Variants in MLC1 observed in about 807,000 individuals in gnomAD.
The protein encoded by MLC1 is modulator of VRAC current 1.
In MLC1, 32 loss-of-function variants were observed where a neutral mutation model predicts 44.7. The ratio of observed to expected loss-of-function variants is 0.72; its 90% CI spans 0.54 to 0.96. The LOEUF is 0.96. Among genes scored for constraint, MLC1 ranks in the 40% least tolerant of loss-of-function variants. The pLI, the probability that MLC1 is intolerant of heterozygous loss-of-function variation, is 0.00. For synonymous variants in MLC1, 190 were observed against 213.0 expected (o/e 0.89, Z 0.94); for missense variants, 459 against 492.2 (o/e 0.93, Z 0.64).
chr22:50,070,606 G>T (rs759659582), intron 8 of MLC1, 23 bp from the exon 9 acceptor site: 3 of 1,551,376 alleles, frequency 1.9e-6, no homozygotes, highest in Non-Finnish European at 8.7e-7. Flanking sequence ...AAAAAGGAAA[G>T]ATTTTAGAGG....
At chr22:50,068,719 CT>C (rs71318863) in intron 9 of MLC1, among the ~76,000 whole-genome samples, 164 bp from the exon 10 acceptor site, 12 of 109,774 alleles carry the variant, frequency 1.1e-4, no homozygotes, top group Non-Finnish European at 1.7e-4. Flanking sequence ...TTTCTTTTTT[CT>C]TTTTCTTTTT....
chr22:50,068,668 C>A, intron 9 of MLC1, 113 bp from the exon 10 acceptor site: 1 of 1,236,852 alleles, frequency 8.1e-7, no homozygotes, highest in Non-Finnish European at 1.2e-6. Context: ...GGCATAGTCC[C>A]AAGCTGGTTC....
At position 50,084,975 on chromosome 22, in the gene MLC1, A is replaced by T. The variant is rs141840641; in HGVS notation, c.-59-14T>A. The T allele has an allele frequency of 2.2e-4, 346 of 1,586,924 alleles. 2 individuals are homozygous for T. In the African/African-American group the frequency reaches 4.3e-3, roughly 20 times the overall value. On this transcript the variant is annotated splice_polypyrimidine_tract_variant and intron_variant, in intron 1 of 11. Coordinates refer to ENST00000311597, the MANE Select transcript of MLC1 (RefSeq NM_015166.4). Reference sequence around the variant, plus strand: ...CCAGTTCTTTATCTGGAATAAAATTATCATCGGCTTTGGCCACTCTGAGGA... The same window carrying T: ...CCAGTTCTTTATCTGGAATAAAATTTTCATCGGCTTTGGCCACTCTGAGGA...
Position 50,063,705 on chromosome 22 carries a change from C to G in MLC1, c.1059+329G>C, listed in dbSNP as rs1368571281. ...TGAAACCCACAGGCCTCTCACCTCC[C>G]TGGCTGAGCACCCCTGTGGGCCACT... is the stretch of plus-strand genomic sequence containing the variant. On this transcript the variant is annotated intron_variant, in intron 11 of 11. Coordinates refer to ENST00000311597, the MANE Select transcript of MLC1 (RefSeq NM_015166.4). Among the ~76,000 whole-genome samples the G allele has an allele frequency of 3.4e-5, 5 of 147,172 alleles. 1 individual carries two copies. Among genetic ancestry groups the G allele is most frequent in the African/African-American group, 1.0e-4 (4 of 39,972 alleles).
At chr22:50,066,052 A>G (rs1419396477) in intron 10 of MLC1, among the ~76,000 whole-genome samples, 1 of 151,258 alleles carries the variant, frequency 6.6e-6, no homozygotes, top group Non-Finnish European at 1.5e-5. Flanking sequence ...AAAACAAGCA[A>G]GGGGCTGGGC....
intron 8 of MLC1, 126 bp downstream of exon 8, chr22:50,074,090 G>C (rs1477972821): frequency 2.7e-6 from 2 of 753,628 alleles, no homozygotes; most frequent in Non-Finnish European, 4.7e-6. Context: ...GAAGTTGGGG[G>C]CCAGCGAGGA....
intron 10 of MLC1, among the ~76,000 whole-genome samples, chr22:50,067,243 T>C (rs1601985251): frequency 6.6e-6 from 1 of 152,172 alleles, no homozygotes; most frequent in African/African-American, 2.4e-5. Context: ...CCAGCACCTG[T>C]GGGAGGCCGA....
intron 10 of MLC1, among the ~76,000 whole-genome samples, chr22:50,068,061 C>G (rs954796665): frequency 6.6e-6 from 1 of 152,182 alleles, no homozygotes; most frequent in African/African-American, 2.4e-5. Context: ...ACTGGGTCAG[C>G]TCAAAGTAAC....
At chr22:50,070,063 A>G (rs1486001534) in intron 9 of MLC1, among the ~76,000 whole-genome samples, 2 of 151,860 alleles carry the variant, frequency 1.3e-5, no homozygotes, top group East Asian at 3.9e-4. Context: ...TTAGCCGGGC[A>G]TGGTGGCAGG....
At chr22:50,068,099 C>G (rs2061757027) in intron 10 of MLC1, among the ~76,000 whole-genome samples, 1 of 152,242 alleles carries the variant, frequency 6.6e-6, no homozygotes, top group African/African-American at 2.4e-5. Context: ...TTAAATTCAC[C>G]TGTTAAACTC....
At chr22:50,073,337 C>T (rs1024529375) in intron 8 of MLC1, among the ~76,000 whole-genome samples, 3 of 152,224 alleles carry the variant, frequency 2.0e-5, no homozygotes, top group Admixed American at 6.5e-5. Context: ...GGCCACTACG[C>T]GGCAAGGTGC....
intron 9 of MLC1, among the ~76,000 whole-genome samples, chr22:50,069,576 G>A (rs2061799993): frequency 6.6e-6 from 1 of 151,940 alleles, no homozygotes; most frequent in African/African-American, 2.4e-5. Flanking sequence ...AACCCGGGAG[G>A]CAGAGGTTAC....
chr22:50,081,059 G>GAAAGAAAGAAAGAAAGAAAGAAA (rs1484447304), intron 3 of MLC1, among the ~76,000 whole-genome samples: 28 of 19,152 alleles, frequency 1.5e-3, no homozygotes, highest in South Asian at 4.0e-3. Flanking sequence ...GAAAGAAAGA[G>GAAAGAAAGAAAGAAAGAAAGAAA]GAGGTCTGGT....
At chr22:50,072,945 T>C (rs7285511) in intron 8 of MLC1, 20,955 of 152,500 alleles carry the variant, frequency 0.14, 1,619 homozygotes, top group Admixed American at 0.21. Context: ...CATTGCTCTG[T>C]GCCTACTCGC....
intron 4 of MLC1, 113 bp downstream of exon 4, chr22:50,080,231 T>G (rs562993773): frequency 5.1e-6 from 7 of 1,385,452 alleles, no homozygotes; most frequent in African/African-American, 1.4e-5. Context: ...CGGGGGCCCC[T>G]CTCGGTGCCA....
At chr22:50,062,469 T>A (rs1002999508) in intron 11 of MLC1, among the ~76,000 whole-genome samples, 3 of 152,226 alleles carry the variant, frequency 2.0e-5, no homozygotes, top group Non-Finnish European at 4.4e-5. Flanking sequence ...GCAGGGAGAC[T>A]GACCACAGCC....
intron 10 of MLC1, 39 bp downstream of exon 10, chr22:50,068,391 GCAC>G (rs1167544844): frequency 3.1e-6 from 5 of 1,608,790 alleles, no homozygotes; most frequent in Non-Finnish European, 4.2e-6. Context: ...AACACGCAGA[GCAC>G]CACATGTCTG....
intron 8 of MLC1, 31 bp downstream of exon 8, chr22:50,074,185 C>A: frequency 6.4e-7 from 1 of 1,554,894 alleles, no homozygotes; most frequent in Non-Finnish European, 8.8e-7. Context: ...TGGCCCAGAG[C>A]GGCGGCGGGC....
chr22:50,075,941 A>G (rs2061969573), intron 7 of MLC1, among the ~76,000 whole-genome samples: 1 of 152,196 alleles, frequency 6.6e-6, no homozygotes, highest in Admixed American at 6.5e-5. Context: ...CTGTTTATCA[A>G]GGAGCGTATT....
Sources: allele counts gnomAD v4.1 joint callset (sites outside exome capture counted in the v4.1 genomes callset), GRCh38; gene constraint gnomAD v4.1.1; transcripts MANE v1.5; gene names NCBI Gene and HGNC (gene_info 2026-07-23, HGNC 2026-07-21).